Variants in ZMYM2 observed in about 807,000 individuals in gnomAD.
ZMYM2 encodes the protein zinc finger MYM-type protein 2.
ZMYM2 carries 56 observed loss-of-function variants against 162.8 expected under a neutral mutation model. That is an observed-to-expected ratio of 0.34 (90% CI 0.28 to 0.43). ZMYM2 has a LOEUF of 0.43. Among genes scored for constraint, ZMYM2 ranks in the 20% least tolerant of loss-of-function variants. The pLI is 1.00. For synonymous variants in ZMYM2, 510 were observed against 541.6 expected, an observed-to-expected ratio of 0.94 and a Z score of 0.81; for missense variants, 1,275 against 1,621.8, an observed-to-expected ratio of 0.79 and a Z score of 3.67.
intron 13 of ZMYM2, 48 bp from the exon 14 acceptor site, chr13:20,052,229 C>G (rs1374572526): frequency 1.9e-5 from 27 of 1,446,500 alleles, no homozygotes; most frequent in Non-Finnish European, 2.4e-5. Context: ...TTAGAACATT[C>G]TGAAGAAAGA....
chr13:20,040,949 G>A (rs1445159917), intron 12 of ZMYM2, among the ~76,000 whole-genome samples: 2 of 152,156 alleles, frequency 1.3e-5, no homozygotes, highest in Non-Finnish European at 1.5e-5. Context: ...TAATTTGATT[G>A]TACTGTGATC....
intron 7 of ZMYM2, 134 bp downstream of exon 7, chr13:20,019,752 GATGA>G: frequency 3.9e-6 from 3 of 766,612 alleles, no homozygotes. Context: ...TGTATCAAAT[GATGA>G]ATGTTTTATC....
At chr13:19,998,550 GTTC>G (rs1255070294) in intron 3 of ZMYM2, among the ~76,000 whole-genome samples, 2 of 152,124 alleles carry the variant, frequency 1.3e-5, no homozygotes, top group South Asian at 2.1e-4. Context: ...GGAATTACCA[GTTC>G]TTCTAGTGAC....
intron 23 of ZMYM2, 127 bp from the exon 24 acceptor site, chr13:20,083,529 A>T: frequency 1.4e-6 from 1 of 694,578 alleles, no homozygotes; most frequent in Non-Finnish European, 2.3e-6. Context: ...GTACATTACC[A>T]GAAGCCATAA....
intron 21 of ZMYM2, among the ~76,000 whole-genome samples, chr13:20,067,900 A>G (rs1380597452): frequency 6.6e-6 from 1 of 152,198 alleles, no homozygotes; most frequent in Non-Finnish European, 1.5e-5. Flanking sequence ...GAAGTCAGAA[A>G]GAATCTCCAA....
At chr13:20,074,332 A>G (rs1049724950) in intron 21 of ZMYM2, among the ~76,000 whole-genome samples, 1 of 150,550 alleles carries the variant, frequency 6.6e-6, no homozygotes, top group African/African-American at 2.5e-5. Flanking sequence ...CCCAGGCTCA[A>G]GTGATCCTCC....
chr13:20,014,686 T>C (rs1415723633), intron 6 of ZMYM2, among the ~76,000 whole-genome samples: 1 of 152,034 alleles, frequency 6.6e-6, no homozygotes, highest in Admixed American at 6.6e-5. Context: ...TATTATTTCC[T>C]TTCTTCTGCT....
chr13:20,009,895 T>C (rs1311597039), intron 6 of ZMYM2, among the ~76,000 whole-genome samples: 2 of 152,326 alleles, frequency 1.3e-5, no homozygotes, highest in East Asian at 1.9e-4. Context: ...AAATTTGATA[T>C]AAGTATCCTG....
At chr13:19,922,586 T>C in the ZMYM2 span, among the ~76,000 whole-genome samples, 4 of 152,318 alleles carry the variant, frequency 2.6e-5, no homozygotes, top group Admixed American at 2.0e-4. Flanking sequence ...GGCTCACGCC[T>C]GTAATCCCAG....
At chr13:19,895,518 G>A in the ZMYM2 span, among the ~76,000 whole-genome samples, 1 of 151,892 alleles carries the variant, frequency 6.6e-6, no homozygotes. Flanking sequence ...GTCTCAAGGT[G>A]ATGCAGGGCA....
chr13:20,067,339 A>G lies in ZMYM2; in HGVS notation c.3402A>G (p.Gly1134=). ...HFVNEIRRPN[G]ENYAPDSIYY... is the part of the protein sequence containing the mutation. ...TCAATGAGATCCGACGGCCAAATGG[A>G]GAGAATTATGCACCTGACAGCATCT... The change falls in exon 21 of 25, where the codon GGA becomes GGG. Residue 1134 remains glycine (G), a synonymous_variant. Transcript: ENST00000610343. 6.2e-7 allele frequency: 1 copy of G among 1,611,082 alleles called. No homozygotes were observed. The highest frequency in any genetic ancestry group is 1.1e-5 in the South Asian group (1 of 90,172).
At chr13:20,027,553 A>G (rs533303835) in intron 9 of ZMYM2, among the ~76,000 whole-genome samples, 7 of 152,274 alleles carry the variant, frequency 4.6e-5, no homozygotes, top group Admixed American at 2.0e-4. Flanking sequence ...AGGAAAAGAA[A>G]TTTTAATATA....
At chr13:19,878,834 GTTAT>G in the ZMYM2 span, among the ~76,000 whole-genome samples, 39 of 152,212 alleles carry the variant, frequency 2.6e-4, no homozygotes, top group Admixed American at 2.0e-3. Context: ...TTTGAATCAG[GTTAT>G]TTGTTTCTTT....
At chr13:19,925,793 C>T in the ZMYM2 span, among the ~76,000 whole-genome samples, 1 of 150,612 alleles carries the variant, frequency 6.6e-6, no homozygotes, top group Non-Finnish European at 1.5e-5. Flanking sequence ...ATTGCTTGAA[C>T]CCGGGAGGCA....
chr13:19,965,867 G>T (rs1245438008), intron 2 of ZMYM2, among the ~76,000 whole-genome samples: 1 of 143,712 alleles, frequency 7.0e-6, no homozygotes, highest in Non-Finnish European at 1.5e-5. Context: ...TCCGCCTCCT[G>T]GGTTCAACTT....
chr13:20,002,170 T>C (rs1950441326), intron 3 of ZMYM2, among the ~76,000 whole-genome samples: 1 of 152,234 alleles, frequency 6.6e-6, no homozygotes, highest in Admixed American at 6.5e-5. Context: ...GAAATAATTA[T>C]AAACTTTATT....
the ZMYM2 span, among the ~76,000 whole-genome samples, chr13:19,883,788 A>G: frequency 6.6e-6 from 1 of 152,026 alleles, no homozygotes; most frequent in African/African-American, 2.4e-5. Flanking sequence ...GAATCTTTTA[A>G]TTCTGTTGCC....
At chr13:20,051,368 T>G in intron 12 of ZMYM2, 65 bp from the exon 13 acceptor site, 4 of 1,564,068 alleles carry the variant, frequency 2.6e-6, no homozygotes, top group Non-Finnish European at 3.5e-6. Flanking sequence ...CAATAATCAC[T>G]GATAAACTTC....
chr13:20,000,568 T>C lies in ZMYM2; in HGVS notation c.848-2282T>C, dbSNP rs538768818. Reference sequence around the variant, plus strand: ...ATGTACTCTGCCTGTGCTTTATCAGTGGAACAACAAAGCCCCGATGACAGC... The same window carrying C: ...ATGTACTCTGCCTGTGCTTTATCAGCGGAACAACAAAGCCCCGATGACAGC... On this transcript the variant is annotated intron_variant, in intron 3 of 24. Transcript: ENST00000610343. Among the ~76,000 whole-genome samples, 4 of 152,326 alleles carry C rather than the reference T, an allele frequency of 2.6e-5. No individual in the cohort carries two copies. The East Asian group carries it at 5.8e-4, about 22-fold the overall frequency.
Sources: gnomAD v4.1 joint callset for allele counts (sites outside exome capture counted in the v4.1 genomes callset) on GRCh38, gnomAD v4.1.1 for gene constraint, MANE v1.5 for transcripts, NCBI Gene and HGNC (gene_info 2026-07-23, HGNC 2026-07-21) for gene names.